SNRK: variants seen among roughly 807,000 people sequenced by gnomAD.
The protein encoded by SNRK is SNF related kinase.
In SNRK, 3 loss-of-function variants were observed where a neutral mutation model predicts 48.2. That is an observed-to-expected ratio of 0.06 (90% CI 0.03 to 0.16). The LOEUF is 0.16. SNRK is among the 10% of genes least tolerant of loss of function. The probability of loss-of-function intolerance (pLI) is 1.00; values close to 1 mark genes in which losing one functional copy is unlikely to be tolerated. For synonymous variants in SNRK, 376 were observed against 366.1 expected (o/e 1.03, Z -0.31); for missense variants, 627 against 976.0 (o/e 0.64, Z 4.76).
At position 43,347,370 on chromosome 3, in the gene SNRK, C is replaced by G; in HGVS notation, c.1111C>G (p.Gln371Glu). ...QSWPTKIDVP[Q>E]DLEDDLTATP... ...ATGGCCAACCAAAATTGATGTACCCCAGGACCTTGAGGATGACCTCACGGC... is the reference window on the plus strand; with the variant it reads ...ATGGCCAACCAAAATTGATGTACCCGAGGACCTTGAGGATGACCTCACGGC... Residue 371 changes from glutamine (Q) to glutamate (E), a missense_variant, in exon 7 of 7, where the codon CAG (glutamine) becomes GAG (glutamate). By Grantham distance (29) the Gln-to-Glu change is conservative (BLOSUM62 2). Coordinates refer to ENST00000296088, the MANE Select transcript of SNRK (RefSeq NM_017719.5). The surrounding 1 kb of genome is among the most constrained non-coding windows in gnomAD (Gnocchi z 5.4). 1.3e-6 allele frequency: 2 copies of G among 1,596,318 alleles called. No homozygotes were observed. Among genetic ancestry groups the G allele is most frequent in the Non-Finnish European group, 1.7e-6 (2 of 1,171,302 alleles).
chr3:43,327,366 C>T (rs954433153), intron 3 of SNRK, among the ~76,000 whole-genome samples: 1 of 152,108 alleles, frequency 6.6e-6, no homozygotes, highest in Non-Finnish European at 1.5e-5. Flanking sequence ...GTCTTGTGAC[C>T]GTAGTTGGAA....
intron 3 of SNRK, among the ~76,000 whole-genome samples, chr3:43,323,729 A>G (rs1022050079): frequency 1.2e-4 from 18 of 152,204 alleles, no homozygotes; most frequent in African/African-American, 4.3e-4. Context: ...ACACAATGGA[A>G]TACTACTCAG....
rs1471420664 is a variant in SNRK at position 43,347,688 on chromosome 3, C to T, written c.1429C>T (p.Leu477=). The T allele has an allele frequency of 6.2e-7, 1 of 1,613,764 alleles. No homozygotes were observed. Among genetic ancestry groups the T allele is most frequent in the South Asian group, 1.1e-5 (1 of 91,088 alleles). The change falls in exon 7 of 7, where the codon CTG becomes TTG. Residue 477 remains leucine (L), a synonymous_variant. Coordinates refer to ENST00000296088, the MANE Select transcript of SNRK (RefSeq NM_017719.5). This position sits in a 1 kb window ranked among gnomAD's most constrained non-coding sequence, Gnocchi z 5.4. ...LRRKPSVTNR[L]TSRKSAPVLN... is the part of the protein sequence containing the mutation. ...CCGGAAGCCATCTGTAACCAACCGC[C>T]TGACATCCAGGAAGAGTGCGCCCGT...
At chr3:43,325,084 T>C (rs1332472003) in intron 3 of SNRK, among the ~76,000 whole-genome samples, 2 of 152,248 alleles carry the variant, frequency 1.3e-5, no homozygotes, top group Non-Finnish European at 2.9e-5. Flanking sequence ...AGGTGATTTT[T>C]ATCAACTGGT....
intron 5 of SNRK, among the ~76,000 whole-genome samples, chr3:43,343,048 C>CA: frequency 6.6e-6 from 1 of 152,226 alleles, no homozygotes; most frequent in East Asian, 1.9e-4. Flanking sequence ...AATGCGTGCA[C>CA]TTATCTTATG....
chr3:43,298,055 G>C (rs935526042), intron 1 of SNRK, among the ~76,000 whole-genome samples: 4 of 152,088 alleles, frequency 2.6e-5, no homozygotes, highest in African/African-American at 7.2e-5. Flanking sequence ...GTGGTAGCTG[G>C]TATTTACAGA....
chr3:43,329,366 A>T (rs1306860017), intron 3 of SNRK, among the ~76,000 whole-genome samples: 1 of 151,948 alleles, frequency 6.6e-6, no homozygotes, highest in Non-Finnish European at 1.5e-5. Flanking sequence ...TGAACCTGGG[A>T]GGCAGAGCTT....
At chr3:43,295,755 T>C (rs1439363768) in intron 1 of SNRK, among the ~76,000 whole-genome samples, 1 of 152,218 alleles carries the variant, frequency 6.6e-6, no homozygotes, top group Non-Finnish European at 1.5e-5. Flanking sequence ...TTTTTTTGTT[T>C]TGAGACTGAG....
At chr3:43,311,368 G>T (rs1452219883) in intron 3 of SNRK, among the ~76,000 whole-genome samples, 1 of 152,112 alleles carries the variant, frequency 6.6e-6, no homozygotes, top group Admixed American at 6.5e-5. Context: ...TTGGGGCTCT[G>T]GCTTCCTCTT....
intron 3 of SNRK, among the ~76,000 whole-genome samples, chr3:43,316,971 T>A (rs2091017912): frequency 6.6e-6 from 1 of 152,198 alleles, no homozygotes; most frequent in South Asian, 2.1e-4. Context: ...TGCAGTTTTC[T>A]AAGGGCTCTT....
At chr3:43,333,173 C>T (rs1362514734) in intron 4 of SNRK, 1 of 151,670 alleles carries the variant, frequency 6.6e-6, no homozygotes, top group African/African-American at 2.4e-5. Context: ...AGATCGAGAC[C>T]ATCCTGACTT....
intron 3 of SNRK, among the ~76,000 whole-genome samples, chr3:43,315,712 G>A (rs1445686783): frequency 6.6e-6 from 1 of 152,198 alleles, no homozygotes; most frequent in Non-Finnish European, 1.5e-5. Flanking sequence ...TACCTGCCTG[G>A]TTAAGTGTGC....
At chr3:43,300,038 A>T (rs1006245263) in intron 2 of SNRK, among the ~76,000 whole-genome samples, 3 of 152,210 alleles carry the variant, frequency 2.0e-5, no homozygotes, top group South Asian at 4.1e-4. Flanking sequence ...TTTTTCGTCT[A>T]AACTTTCAGT....
intron 2 of SNRK, among the ~76,000 whole-genome samples, chr3:43,302,895 T>C (rs985990378): frequency 4.6e-5 from 7 of 152,090 alleles, no homozygotes; most frequent in Admixed American, 4.6e-4. Flanking sequence ...TTGCAAAAAC[T>C]TGATATGGTA....
chr3:43,330,871 T>C (rs947373232), intron 3 of SNRK, among the ~76,000 whole-genome samples: 3 of 152,260 alleles, frequency 2.0e-5, no homozygotes, highest in African/African-American at 7.2e-5. Flanking sequence ...GTCTGCTTTT[T>C]TCATCTGATT....
chr3:43,306,350 CATTAT>C (rs1249788059), intron 3 of SNRK, among the ~76,000 whole-genome samples: 2 of 151,938 alleles, frequency 1.3e-5, no homozygotes, highest in Non-Finnish European at 2.9e-5. Context: ...TAAAATCTGT[CATTAT>C]ATTGTGAGAT....
At chr3:43,306,659 T>G (rs964254720) in intron 3 of SNRK, among the ~76,000 whole-genome samples, 53 of 152,148 alleles carry the variant, frequency 3.5e-4, no homozygotes, top group Non-Finnish European at 5.7e-4. Context: ...TAGAAGACAA[T>G]TTGGCAATAT....
intron 3 of SNRK, among the ~76,000 whole-genome samples, chr3:43,316,624 A>G (rs920287535): frequency 4.7e-5 from 7 of 150,342 alleles, no homozygotes; most frequent in Admixed American, 6.6e-5. Context: ...TTGGAGCTTA[A>G]TTTTTTTTTT....
chr3:43,348,426 A>C lies in SNRK; in HGVS notation c.2167A>C (p.Ser723Arg). Reference sequence around the variant, plus strand: ...CACCACTGAATTGGAACGGATAAAGAGCAAGAACCTGAAAAATAACGTGCT... The same window carrying C: ...CACCACTGAATTGGAACGGATAAAGCGCAAGAACCTGAAAAATAACGTGCT... The part of the protein sequence containing the change: ...DTTTELERIK[S>R]KNLKNNVLQL... The change falls in exon 7 of 7, where the codon AGC becomes CGC. Residue 723 changes from serine to arginine, a missense_variant. By Grantham distance (110) the Ser-to-Arg change is moderately radical (BLOSUM62 -1). This residue lies in a region of SNRK where 207 missense variants were observed against 234.3 expected (regional missense o/e 0.88). Coordinates refer to ENST00000296088, the MANE Select transcript of SNRK (RefSeq NM_017719.5). 8.7e-6 allele frequency: 14 copies of C among 1,612,348 alleles called. No homozygotes were observed. Among genetic ancestry groups the C allele is most frequent in the Non-Finnish European group, 1.1e-5 (13 of 1,179,308 alleles).
Sources: gnomAD v4.1 joint callset for allele counts (sites outside exome capture counted in the v4.1 genomes callset) on GRCh38, gnomAD v4.1.1 for gene constraint, gnomAD v4.1.1 regional missense constraint, Gnocchi (gnomAD v3.1) non-coding constraint, MANE v1.5 for transcripts, NCBI Gene and HGNC (gene_info 2026-07-23, HGNC 2026-07-21) for gene names.